Variants in SUZ12 observed in about 807,000 individuals in gnomAD.
SUZ12 encodes polycomb protein SUZ12.
Under a neutral mutation model 87.3 loss-of-function variants are expected in SUZ12, and 17 were observed. That is an observed-to-expected ratio of 0.19 (90% confidence interval 0.13 to 0.29). The LOEUF is 0.29. SUZ12 is among the 10% of genes least tolerant of loss of function. The probability of loss-of-function intolerance (pLI) is 1.00; values close to 1 mark genes in which losing one functional copy is unlikely to be tolerated. For synonymous variants in SUZ12, 253 were observed against 312.4 expected (o/e 0.81, Z 2.01); for missense variants, 526 against 912.2 (o/e 0.58, Z 5.45).
intron 8 of SUZ12, among the ~76,000 whole-genome samples, chr17:31,977,763 C>T (rs1465478118): frequency 1.3e-5 from 2 of 152,028 alleles, no homozygotes; most frequent in Admixed American, 6.5e-5. Context: ...GTGGCGTGTG[C>T]CTGTAATCCC....
chr17:31,982,032 G>A (rs1909142382), intron 8 of SUZ12, among the ~76,000 whole-genome samples: 1 of 152,210 alleles, frequency 6.6e-6, no homozygotes, highest in African/African-American at 2.4e-5. Context: ...GAAGAATGGT[G>A]TTTAGAGTAG....
At chr17:31,979,222 A>G (rs1313490538) in intron 8 of SUZ12, among the ~76,000 whole-genome samples, 2 of 151,840 alleles carry the variant, frequency 1.3e-5, no homozygotes, top group Non-Finnish European at 2.9e-5. Context: ...ATTTTGCCAC[A>G]TTTGATTTAT....
intron 3 of SUZ12, among the ~76,000 whole-genome samples, chr17:31,943,705 G>GAT: frequency 6.7e-6 from 1 of 150,110 alleles, no homozygotes; most frequent in South Asian, 2.1e-4. Context: ...TTTCATCAAA[G>GAT]CTTTTTTTTT....
In SUZ12 at chr17:31,983,004, T is replaced by C; in HGVS notation, c.923T>C (p.Leu308Ser). 6.2e-7 allele frequency: 1 copy of C among 1,612,606 alleles called. No individual in the cohort carries two copies. Among genetic ancestry groups the C allele is most frequent in the Non-Finnish European group, 8.5e-7 (1 of 1,179,320 alleles). The change falls in exon 9 of 16, where the codon TTA becomes TCA. Residue 308 changes from leucine to serine, a missense_variant. Physicochemically the swap from Leu to Ser is moderately radical, Grantham distance 145. This residue lies in a region of SUZ12 where 73 missense variants were observed against 133.8 expected (regional missense o/e 0.55). Transcript: ENST00000322652. Reference protein sequence around the residue: ...QMTVFDKNRRLQLLDGEYEVA... With the variant: ...QMTVFDKNRRSQLLDGEYEVA... ...TATATGTGTTTGTCTAACAGGCGCT[T>C]ACAGCTTTTAGATGGGGAATATGAA...
At chr17:31,990,120 A>C (rs1909641951) in intron 10 of SUZ12, among the ~76,000 whole-genome samples, 1 of 115,496 alleles carries the variant, frequency 8.7e-6, no homozygotes. Context: ...ATGCCCGGCT[A>C]ATTTTTTTTT....
chr17:31,985,100 A>G lies in SUZ12; in HGVS notation c.1023+1996A>G, dbSNP rs190929887. Among the ~76,000 whole-genome samples, 603 of 145,854 alleles carry G rather than the reference A, an allele frequency of 4.1e-3. 2 individuals are homozygous for G. Among genetic ancestry groups the G allele is most frequent in the African/African-American group, 0.014 (574 of 39,632 alleles). ...CTTGAACCTGGGAGGCAGAGGTTTCAGTGAGCTGAGATTTTGCCACTTCAC... is the reference window on the plus strand; with the variant it reads ...CTTGAACCTGGGAGGCAGAGGTTTCGGTGAGCTGAGATTTTGCCACTTCAC... On this transcript the variant is annotated intron_variant, in intron 9 of 15. Transcript: ENST00000322652.
intron 8 of SUZ12, among the ~76,000 whole-genome samples, chr17:31,979,103 CAAAAAAAAAAAA>C (rs61307349): frequency 1.4e-4 from 9 of 65,262 alleles, no homozygotes; most frequent in East Asian, 5.7e-4. Context: ...ACTGTGTCTC[CAAAAAAAAAAAA>C]AAAAAAAAAA....
chr17:31,956,628 G>T (rs1337554904), intron 4 of SUZ12, among the ~76,000 whole-genome samples: 1 of 152,070 alleles, frequency 6.6e-6, no homozygotes, highest in Non-Finnish European at 1.5e-5. Context: ...AGAACCTCGA[G>T]ATATCACCGA....
At chr17:31,963,687 A>ACTT (rs142875030) in intron 4 of SUZ12, 64 of 147,528 alleles carry the variant, frequency 4.3e-4, no homozygotes, top group African/African-American at 1.4e-3. Flanking sequence ...CACGCCTGGC[A>ACTT]TTTTTTTTTG....
In SUZ12 at chr17:31,999,886, CT is replaced by C; in HGVS notation, c.*885del. Reference sequence around the variant, plus strand: ...ACGCATTTGAGATTTTAAGATGTCACTTATAAGGGGAGAAGTGTTCTTAAAA... The same window carrying C: ...ACGCATTTGAGATTTTAAGATGTCACTATAAGGGGAGAAGTGTTCTTAAAA... On this transcript the variant is annotated 3_prime_UTR_variant, in exon 16 of 16. Coordinates refer to ENST00000322652, the MANE Select transcript of SUZ12 (RefSeq NM_015355.4). The C allele has an allele frequency of 4.3e-6, 1 of 232,504 alleles. No homozygotes were observed. The highest frequency in any genetic ancestry group is 8.5e-6 in the Non-Finnish European group (1 of 117,724). The allele number at this position is 232,504 out of a possible 1,614,324, so 14.4% of individuals were successfully genotyped here.
chr17:31,953,193 C>G (rs1027807741), intron 4 of SUZ12, among the ~76,000 whole-genome samples: 2 of 152,012 alleles, frequency 1.3e-5, no homozygotes, highest in Non-Finnish European at 2.9e-5. Flanking sequence ...GCAACCTCCG[C>G]CTCCCAGGTT....
chr17:31,995,557 T>C lies in SUZ12; in HGVS notation c.1596-7T>C. On this transcript the variant is annotated splice_polypyrimidine_tract_variant and splice_region_variant and intron_variant, in intron 13 of 15. Transcript: ENST00000322652. ...GCCATAAATCAACATTTATTTCTTT[T>C]CATTAGGCCAAAACGAACAAAAGCA... 6.2e-7 allele frequency: 1 copy of C among 1,613,710 alleles called. No individual in the cohort carries two copies. The highest frequency in any genetic ancestry group is 8.5e-7 in the Non-Finnish European group (1 of 1,179,764).
intron 10 of SUZ12, among the ~76,000 whole-genome samples, chr17:31,990,582 C>T (rs1376655996): frequency 3.3e-5 from 5 of 151,998 alleles, no homozygotes; most frequent in Non-Finnish European, 5.9e-5. Context: ...CCAGGCTTGT[C>T]TCAAACTACT....
rs1307141648 is a variant in SUZ12, at chr17:31,999,692, A to C, written c.*689A>C. 1 of 231,992 alleles carries C rather than the reference A, an allele frequency of 4.3e-6. No individual in the cohort carries two copies. Among genetic ancestry groups the C allele is most frequent in the Non-Finnish European group, 8.5e-6 (1 of 117,492 alleles). The allele number at this position is 231,992 out of a possible 1,614,324, so 14.4% of individuals were successfully genotyped here. On this transcript the variant is annotated 3_prime_UTR_variant, in exon 16 of 16. Coordinates refer to ENST00000322652, the MANE Select transcript of SUZ12 (RefSeq NM_015355.4). ...AAATGCTATGTTGGTTTATAAGATT[A>C]CAGACCATTTGTTTTCATGTGGATA...
At chr17:31,998,334 C>T (rs549674044) in intron 15 of SUZ12, among the ~76,000 whole-genome samples, 256 of 152,198 alleles carry the variant, frequency 1.7e-3, no homozygotes, top group African/African-American at 5.6e-3. Context: ...CCACCTCGGC[C>T]TCCCAAAGTG....
At chr17:31,960,770 G>T (rs1398046685) in intron 4 of SUZ12, among the ~76,000 whole-genome samples, 1 of 151,974 alleles carries the variant, frequency 6.6e-6, no homozygotes, top group Non-Finnish European at 1.5e-5. Flanking sequence ...GTAGAGACAA[G>T]GTTTCACCAT....
intron 3 of SUZ12, among the ~76,000 whole-genome samples, chr17:31,944,272 G>A (rs548985465): frequency 5.2e-4 from 79 of 151,776 alleles, no homozygotes; most frequent in African/African-American, 1.7e-3. Context: ...GGGATTACAG[G>A]CATGCGCCAC....
chr17:31,942,394 G>T (rs1251162947), intron 3 of SUZ12, among the ~76,000 whole-genome samples: 5 of 151,228 alleles, frequency 3.3e-5, no homozygotes, highest in Non-Finnish European at 5.9e-5. Context: ...GGAGTGCAAT[G>T]GCGCAATCTT....
Position 32,000,608 on chromosome 17 carries a change from A to G in SUZ12, c.*1605A>G, listed in dbSNP as rs1910206602. On this transcript the variant is annotated 3_prime_UTR_variant, in exon 16 of 16. Transcript: ENST00000322652. ...TCTCGAGCGTTTATCTCGGGCTTTAATTTGCTAAAGCTGTGCACATATGTA... is the reference window on the plus strand; with the variant it reads ...TCTCGAGCGTTTATCTCGGGCTTTAGTTTGCTAAAGCTGTGCACATATGTA... 4.3e-6 allele frequency: 1 copy of G among 230,814 alleles called. No homozygotes were observed. The allele number at this position is 230,814 out of a possible 1,614,324, so 14.3% of individuals were successfully genotyped here.
Sources: allele counts gnomAD v4.1 joint callset (sites outside exome capture counted in the v4.1 genomes callset), GRCh38; gene constraint gnomAD v4.1.1; regional missense constraint gnomAD v4.1.1; transcripts MANE v1.5; gene names NCBI Gene and HGNC (gene_info 2026-07-23, HGNC 2026-07-21).